DNAH10: variants seen among roughly 807,000 people sequenced by gnomAD.
DNAH10 encodes dynein axonemal heavy chain 10.
In DNAH10, 348 loss-of-function variants were observed where a neutral mutation model predicts 506.6. The ratio of observed to expected loss-of-function variants is 0.69; its 90% CI spans 0.63 to 0.75. DNAH10 has a LOEUF of 0.75. DNAH10 is among the 30% of genes least tolerant of loss of function. The probability of loss-of-function intolerance (pLI) is 0.00; values close to 1 mark genes in which losing one functional copy is unlikely to be tolerated. For missense variants in DNAH10, 5,179 were observed against 5,787.1 expected, an observed-to-expected ratio of 0.89 and a Z score of 3.41; for synonymous variants, 2,059 against 2,198.6, an observed-to-expected ratio of 0.94 and a Z score of 1.78.
chr12:123,916,576 A>G lies in DNAH10; in HGVS notation c.10842A>G (p.Leu3614=), dbSNP rs779664857. Residue 3614 remains leucine, a synonymous_variant, in exon 63 of 79, where the codon TTA becomes TTG. Transcript: ENST00000673944. The surrounding 1 kb of genome is among the most constrained non-coding windows in gnomAD (Gnocchi z 4.6). ...EYIDPVIDNV[L]EKNIKVSQGR... ...TCGATCCTGTGATTGACAACGTCTT[A>G]GAAAAAAATATAAAAGTCTCCCAAG... is the stretch of plus-strand genomic sequence containing the variant. The G allele has an allele frequency of 2.5e-6, 4 of 1,613,926 alleles. No homozygotes were observed. Among genetic ancestry groups the G allele is most frequent in the Non-Finnish European group, 3.4e-6 (4 of 1,179,888 alleles).
chr12:123,841,693 A>C, intron 30 of DNAH10, 148 bp downstream of exon 30: 1 of 722,100 alleles, frequency 1.4e-6, no homozygotes, highest in Non-Finnish European at 2.2e-6. Context: ...AGATGTCTTT[A>C]TTTTTATTTT....
intron 52 of DNAH10, among the ~76,000 whole-genome samples, chr12:123,890,919 G>A (rs10846570): frequency 0.25 from 38,726 of 152,012 alleles, 5,121 homozygotes; most frequent in South Asian, 0.29. Context: ...CATTAGGAGC[G>A]TGTTGAGTTT....
chr12:123,893,183 G>A, intron 52 of DNAH10, 50 bp from the exon 53 acceptor site: 2 of 1,576,126 alleles, frequency 1.3e-6, no homozygotes, highest in East Asian at 2.3e-5. Context: ...ACTTAGAGCG[G>A]TCATGACCCT....
intron 28 of DNAH10, among the ~76,000 whole-genome samples, chr12:123,837,041 C>T (rs538389285): frequency 4.0e-4 from 61 of 151,098 alleles, no homozygotes; most frequent in South Asian, 1.5e-3. Context: ...TTAGTAGAGA[C>T]GGGGTTTCAC....
intron 50 of DNAH10, among the ~76,000 whole-genome samples, chr12:123,880,957 A>G (rs1182765014): frequency 5.3e-5 from 8 of 151,946 alleles, no homozygotes; most frequent in African/African-American, 1.7e-4. Context: ...AGCTTCATCC[A>G]TGTCCCTACA....
chr12:123,934,806 TCCTC>T lies in DNAH10; in HGVS notation c.13623+41_13623+44del, dbSNP rs757269418. 2.1e-5 allele frequency: 34 copies of T among 1,610,364 alleles called. 1 individual carries two copies. The South Asian group carries it at 3.5e-4, about 17-fold the overall frequency. ...CCCTCCTCTCTGACACCAGGGCCCT[TCCTC>T]TTCTGACTGTAGTTATGGCTGAGGT... On this transcript the variant is annotated intron_variant, in intron 78 of 78. Coordinates refer to ENST00000673944, the MANE Select transcript of DNAH10 (RefSeq NM_001372106.1).
chr12:123,861,312 C>A, intron 39 of DNAH10, 142 bp downstream of exon 39: 1 of 1,079,572 alleles, frequency 9.3e-7, no homozygotes, highest in Middle Eastern at 3.1e-4. Context: ...GGCTGTGCTT[C>A]GGAAGTGCGC....
At chr12:123,859,943 T>C (rs1446860726) in intron 38 of DNAH10, among the ~76,000 whole-genome samples, 2 of 151,844 alleles carry the variant, frequency 1.3e-5, no homozygotes, top group Non-Finnish European at 2.9e-5. Context: ...GGAGGGAGGA[T>C]TGCTTGAGCC....
At position 123,882,789 on chromosome 12, in the gene DNAH10, C is replaced by CA. The variant is rs59295124; in HGVS notation, c.8823+1002dup. ...CCTGGGAGACAGAGTAAGACTCTGT[C>CA]AAAAAAAAAAAAAAAAAAAAAAAAA... On this transcript the variant is annotated intron_variant, in intron 51 of 78. Transcript: ENST00000673944. 3.9e-3 allele frequency among the ~76,000 whole-genome samples: 242 copies of CA among 62,210 alleles called. 5 individuals are homozygous for CA. The highest frequency in any genetic ancestry group is 8.9e-3 in the East Asian group (13 of 1,468). 40.8% of individuals were successfully genotyped at this position (62,210 alleles called of 152,430 possible). A position where few individuals can be genotyped will look rare whatever the true frequency, so the allele number is the denominator to read the frequency against.
Position 123,928,953 on chromosome 12 carries a change from T to G in DNAH10, c.12307-322T>G. On this transcript the variant is annotated intron_variant, in intron 70 of 78. Transcript: ENST00000673944. This position sits in a 1 kb window ranked among gnomAD's most constrained non-coding sequence, Gnocchi z 4.9. ...ATTTAATTTATTCTCCGGGAAATTC[T>G]TTTGGAAAGGTTTTGTCATTCTCTG... 2.1e-6 allele frequency: 1 copy of G among 474,530 alleles called. No homozygotes were observed. Among genetic ancestry groups the G allele is most frequent in the Non-Finnish European group, 3.7e-6 (1 of 269,060 alleles). The allele number at this position is 474,530 out of a possible 1,614,324, so 29.4% of individuals were successfully genotyped here.
At chr12:123,878,023 C>A in intron 48 of DNAH10, 115 bp downstream of exon 48, 1 of 1,316,266 alleles carries the variant, frequency 7.6e-7, no homozygotes, top group Non-Finnish European at 1.0e-6. Context: ...ATTAATTACC[C>A]AATGTCTTTG....
rs1566083122 is a variant in DNAH10, at chr12:123,908,159, CCTGTCTCCTCCCTGTCTCT to C, written c.9816-1077_9816-1059del. On this transcript the variant is annotated intron_variant, in intron 57 of 78. Transcript: ENST00000673944. Reference sequence around the variant, plus strand: ...TGTCTCTCTGTCTCCTCCCTGTCTCCCTGTCTCCTCCCTGTCTCTCTGTCTCCTCCCTGTCTCTCTGTCC... The same window carrying C: ...TGTCTCTCTGTCTCCTCCCTGTCTCCCTGTCTCCTCCCTGTCTCTCTGTCC... 2.3e-3 allele frequency among the ~76,000 whole-genome samples: 195 copies of C among 86,294 alleles called. 3 individuals are homozygous for C. Among genetic ancestry groups the C allele is most frequent in the African/African-American group, 3.3e-3 (64 of 19,568 alleles). The allele number at this position is 86,294 out of a possible 152,430, so 56.6% of individuals were successfully genotyped here.
At chr12:123,879,176 TG>T (rs1176873921) in intron 48 of DNAH10, 87 bp from the exon 49 acceptor site, 31 of 960,246 alleles carry the variant, frequency 3.2e-5, no homozygotes, top group Non-Finnish European at 4.2e-5. Context: ...TTGCGCTCTG[TG>T]TGTCTGTCTG....
chr12:123,925,061 G>T lies in DNAH10; in HGVS notation c.11778G>T (p.Leu3926=). ...TTTGCTTTTCCCAGTGGTATGACCTGGATTCACTGGAGCAGTTTCCCGTCC... is the reference window on the plus strand; with the variant it reads ...TTTGCTTTTCCCAGTGGTATGACCTTGATTCACTGGAGCAGTTTCCCGTCC... The part of the protein sequence containing the change: ...NQTVWQEWYD[L]DSLEQFPVPL... Residue 3926 remains leucine, a synonymous_variant, in exon 68 of 79, where the codon CTG becomes CTT. Transcript: ENST00000673944. This position sits in a 1 kb window ranked among gnomAD's most constrained non-coding sequence, Gnocchi z 4.0. The T allele has an allele frequency of 6.2e-7, 1 of 1,613,948 alleles. No individual in the cohort carries two copies. Among genetic ancestry groups the T allele is most frequent in the Non-Finnish European group, 8.5e-7 (1 of 1,179,872 alleles).
chr12:123,929,059 G>A lies in DNAH10; in HGVS notation c.12307-216G>A, dbSNP rs867680135. 34 of 600,986 alleles carry A rather than the reference G, an allele frequency of 5.7e-5. No individual in the cohort carries two copies. The African/African-American group carries it at 5.9e-4, about 10-fold the overall frequency. 37.2% of individuals were successfully genotyped at this position (600,986 alleles called of 1,614,324 possible). On this transcript the variant is annotated intron_variant, in intron 70 of 78. Transcript: ENST00000673944. ...TAGTAAAGGATCTCATGGTTCAGAG[G>A]AAGGTCAAAGACTCTTGACCCTTGA...
chr12:123,871,419 A>G (rs1952029974), intron 44 of DNAH10, 38 bp from the exon 45 acceptor site: 1 of 1,573,002 alleles, frequency 6.4e-7, no homozygotes, highest in Non-Finnish European at 8.6e-7. Flanking sequence ...ACCCTATTGG[A>G]GTTGCTGAGA....
intron 11 of DNAH10, among the ~76,000 whole-genome samples, chr12:123,793,392 GC>G (rs533328276): frequency 0.022 from 2,105 of 96,718 alleles, 52 homozygotes; most frequent in African/African-American, 0.067. Flanking sequence ...AGGCTGGAGT[GC>G]AGTGGCGCCA....
rs138567335 is a variant in DNAH10, at chr12:123,827,609, T to C, written c.4391+711T>C. On this transcript the variant is annotated intron_variant, in intron 25 of 78. Coordinates refer to ENST00000673944, the MANE Select transcript of DNAH10 (RefSeq NM_001372106.1). ...AGTCCTCATTTGTGAGTTATGCTTC[T>C]GCTCGTGTTCCTCTATTCCTCGGTC... is the stretch of plus-strand genomic sequence containing the variant. 1.1e-3 allele frequency among the ~76,000 whole-genome samples: 160 copies of C among 152,348 alleles called. 1 individual carries two copies. The highest frequency in any genetic ancestry group is 3.0e-3 in the African/African-American group (124 of 41,584).
rs1017826066 is a variant in DNAH10, at chr12:123,765,286, T to C, written c.215-2320T>C. Among the ~76,000 whole-genome samples, 25 of 152,300 alleles carry C rather than the reference T, an allele frequency of 1.6e-4. No homozygotes were observed. The South Asian group carries it at 1.7e-3, about 10-fold the overall frequency. ...AAACGGAATCGTACTGTACATATCA[T>C]TTAGTAACTTCCTTACATTTAAAGA... is the stretch of plus-strand genomic sequence containing the variant. On this transcript the variant is annotated intron_variant, in intron 1 of 78. Coordinates refer to ENST00000673944, the MANE Select transcript of DNAH10 (RefSeq NM_001372106.1).
Sources: gnomAD v4.1 joint callset for allele counts (sites outside exome capture counted in the v4.1 genomes callset) on GRCh38, gnomAD v4.1.1 for gene constraint, Gnocchi (gnomAD v3.1) non-coding constraint, MANE v1.5 for transcripts, NCBI Gene and HGNC (gene_info 2026-07-23, HGNC 2026-07-21) for gene names.